The following SNX4 variants were observed in gnomAD, a reference collection of about 807,000 sequenced individuals.
SNX4 encodes the protein sorting nexin 4.
In SNX4, 49 loss-of-function variants were observed where a neutral mutation model predicts 70.8. The ratio of observed to expected loss-of-function variants is 0.69; its 90% CI spans 0.55 to 0.88. The LOEUF (loss-of-function observed/expected upper bound fraction) is 0.88. Ranked by LOEUF, SNX4 falls within the 40% of genes least tolerant of loss-of-function variation. The pLI is 0.00. For synonymous variants in SNX4, 206 were observed against 183.8 expected, an observed-to-expected ratio of 1.12 and a Z score of -0.98; for missense variants, 528 against 544.8, an observed-to-expected ratio of 0.97 and a Z score of 0.31.
At chr3:125,487,555 C>T (rs1579995323) in intron 6 of SNX4, among the ~76,000 whole-genome samples, 1 of 152,072 alleles carries the variant, frequency 6.6e-6, no homozygotes, top group Admixed American at 6.5e-5. Flanking sequence ...TGTACAGCCA[C>T]CAAAGTCATA....
rs114858453 is a variant in SNX4, at chr3:125,450,882, T to G, written c.1305+423A>C. 5.7e-3 allele frequency among the ~76,000 whole-genome samples: 873 copies of G among 152,342 alleles called. 8 individuals are homozygous for G. The highest frequency in any genetic ancestry group is 0.027 in the Middle Eastern group (8 of 294). On this transcript the variant is annotated intron_variant, in intron 13 of 13. Transcript: ENST00000251775. ...AGAGTACCATATGATCTAAATAATC[T>G]TGGTATATATTCTCAAATACAAGTT...
chr3:125,513,610 T>C (rs542275544), intron 1 of SNX4, among the ~76,000 whole-genome samples: 1 of 152,294 alleles, frequency 6.6e-6, no homozygotes, highest in Non-Finnish European at 1.5e-5. Context: ...ATCATCTGTA[T>C]CCCACAACCC....
chr3:125,492,339 A>C (rs1251956520), intron 5 of SNX4, among the ~76,000 whole-genome samples: 5 of 152,034 alleles, frequency 3.3e-5, no homozygotes, highest in Non-Finnish European at 7.4e-5. Flanking sequence ...CTAATGTCTC[A>C]GCTCAAATGT....
chr3:125,493,904 G>C (rs1934721026), intron 5 of SNX4, among the ~76,000 whole-genome samples: 1 of 151,880 alleles, frequency 6.6e-6, no homozygotes, highest in Admixed American at 6.6e-5. Flanking sequence ...AGGCATGGTG[G>C]TGAGCGCCTG....
At chr3:125,478,680 G>A (rs1399784083) in intron 7 of SNX4, among the ~76,000 whole-genome samples, 1 of 151,536 alleles carries the variant, frequency 6.6e-6, no homozygotes, top group African/African-American at 2.4e-5. Flanking sequence ...CCTAAAAGCT[G>A]AGCATTCATC....
chr3:125,506,817 TAAAAAAAAAAAAAAA>T (rs71148182), intron 1 of SNX4, among the ~76,000 whole-genome samples: 16 of 26,834 alleles, frequency 6.0e-4, no homozygotes, highest in South Asian at 5.0e-3. Context: ...GTGGAGAAAG[TAAAAAAAAAAAAAAA>T]AAAAAAAAAA....
intron 6 of SNX4, among the ~76,000 whole-genome samples, chr3:125,481,961 C>A (rs1309816802): frequency 6.6e-6 from 1 of 152,020 alleles, no homozygotes; most frequent in Non-Finnish European, 1.5e-5. Flanking sequence ...TCCTAGCTCA[C>A]TGCAGCCCTT....
At chr3:125,469,324 G>A in intron 9 of SNX4, 130 bp downstream of exon 9, 1 of 499,866 alleles carries the variant, frequency 2.0e-6, no homozygotes, top group Non-Finnish European at 3.6e-6. Flanking sequence ...ATAAATTTAA[G>A]TCAGATATGT....
intron 8 of SNX4, among the ~76,000 whole-genome samples, chr3:125,471,031 T>C (rs974335122): frequency 6.6e-6 from 1 of 152,050 alleles, no homozygotes; most frequent in African/African-American, 2.4e-5. Flanking sequence ...GGCACTTAAC[T>C]TTTTTTGTTG....
intron 1 of SNX4, among the ~76,000 whole-genome samples, chr3:125,507,060 G>A (rs1325504378): frequency 6.6e-6 from 1 of 150,780 alleles, no homozygotes; most frequent in Non-Finnish European, 1.5e-5. Context: ...AAACTAGCTG[G>A]GTGTGGTGGC....
At position 125,473,736 on chromosome 3, in the gene SNX4, A is replaced by G. The variant is rs567902796; in HGVS notation, c.788+2959T>C. Among the ~76,000 whole-genome samples the G allele has an allele frequency of 2.7e-3, 414 of 152,258 alleles. 2 individuals carry two copies. Among genetic ancestry groups the G allele is most frequent in the Non-Finnish European group, 4.8e-3 (327 of 68,016 alleles). ...GGCCTAAATTCAATTTCTCTACAGT[A>G]TAACTCCAAGCATTATTGAAGTGTT... On this transcript the variant is annotated intron_variant, in intron 8 of 13. Coordinates refer to ENST00000251775, the MANE Select transcript of SNX4 (RefSeq NM_003794.4).
chr3:125,489,904 T>G (rs1025594407), intron 5 of SNX4, among the ~76,000 whole-genome samples: 61 of 151,048 alleles, frequency 4.0e-4, no homozygotes, highest in African/African-American at 1.5e-3. Context: ...GACAGGAGGA[T>G]CACTTGAGGT....
intron 9 of SNX4, among the ~76,000 whole-genome samples, chr3:125,463,024 T>C (rs1187495530): frequency 6.6e-6 from 1 of 152,258 alleles, no homozygotes; most frequent in African/African-American, 2.4e-5. Flanking sequence ...GTACTACTTC[T>C]GTGTGATACA....
At chr3:125,516,066 G>C (rs775393812) in intron 1 of SNX4, among the ~76,000 whole-genome samples, 2 of 152,174 alleles carry the variant, frequency 1.3e-5, no homozygotes, top group Non-Finnish European at 2.9e-5. Flanking sequence ...GGTAGTCAAT[G>C]TGCACGGGAA....
chr3:125,458,830 AAAAAAAAAAAAAAAAG>A (rs1483126237), intron 10 of SNX4, among the ~76,000 whole-genome samples: 41 of 129,602 alleles, frequency 3.2e-4, no homozygotes, highest in Non-Finnish European at 4.9e-4. Context: ...AAAAAAAAAA[AAAAAAAAAAAAAAAAG>A]AAAAGAAAAG....
chr3:125,470,998 T>G (rs528914610), intron 8 of SNX4, among the ~76,000 whole-genome samples: 9 of 152,268 alleles, frequency 5.9e-5, no homozygotes, highest in African/African-American at 2.2e-4. Flanking sequence ...AACAGAGTCC[T>G]GTATCTACCA....
intron 5 of SNX4, among the ~76,000 whole-genome samples, chr3:125,492,830 C>G (rs1934693514): frequency 6.6e-6 from 1 of 152,130 alleles, no homozygotes; most frequent in South Asian, 2.1e-4. Flanking sequence ...TCTCAGAGTT[C>G]CTGTGCAATA....
chr3:125,500,926 C>A (rs922942831), intron 2 of SNX4, among the ~76,000 whole-genome samples: 1 of 146,932 alleles, frequency 6.8e-6, no homozygotes, highest in Admixed American at 6.8e-5. Context: ...AAAACCCTCT[C>A]GACAATTGGA....
In SNX4 at chr3:125,457,326, C is replaced by T; in HGVS notation, c.984G>A (p.Leu328=). ...CRKHELMQYD[L]EMAAQDLASK... is the part of the protein sequence containing the mutation. ...ATGCTAAGTCCTGAGCAGCCATCTC[C>T]AAGTCATACTGCATAAGTTCATGTT... Residue 328 remains leucine, a synonymous_variant, in exon 11 of 14, where the codon TTG becomes TTA. Transcript: ENST00000251775. The T allele has an allele frequency of 6.2e-7, 1 of 1,614,042 alleles. No homozygotes were observed.
Sources: allele counts gnomAD v4.1 joint callset (sites outside exome capture counted in the v4.1 genomes callset), GRCh38; gene constraint gnomAD v4.1.1; transcripts MANE v1.5; gene names NCBI Gene and HGNC (gene_info 2026-07-23, HGNC 2026-07-21).